The following STRN variants were observed in gnomAD, a reference collection of about 807,000 sequenced individuals.
The protein encoded by STRN is protein phosphatase 2 regulatory subunit B'''alpha.
Under a neutral mutation model 96.3 loss-of-function variants are expected in STRN, and 53 were observed. The ratio of observed to expected loss-of-function variants is 0.55; its 90% confidence interval spans 0.44 to 0.69. The LOEUF (loss-of-function observed/expected upper bound fraction) is 0.69, where lower values mean the gene tolerates loss of function less well. Among genes scored for constraint, STRN ranks in the 30% least tolerant of loss-of-function variants. The probability of loss-of-function intolerance (pLI) is 0.00; values close to 1 mark genes in which losing one functional copy is unlikely to be tolerated. For missense variants in STRN, 987 were observed against 963.9 expected, an observed-to-expected ratio of 1.02 and a Z score of -0.32; for synonymous variants, 428 against 355.9, an observed-to-expected ratio of 1.20 and a Z score of -2.28.
At chr2:36,887,394 C>T (rs1259632858) in intron 7 of STRN, among the ~76,000 whole-genome samples, 1 of 151,714 alleles carries the variant, frequency 6.6e-6, no homozygotes, top group African/African-American at 2.4e-5. Context: ...CGCCTGAACC[C>T]GGGAGGCGGA....
intron 10 of STRN, among the ~76,000 whole-genome samples, chr2:36,871,618 C>T (rs1668764706): frequency 6.6e-6 from 1 of 152,128 alleles, no homozygotes; most frequent in Non-Finnish European, 1.5e-5. Context: ...GACAAAAATA[C>T]ACCAATTCTA....
At chr2:36,964,621 G>A (rs770701966) in intron 1 of STRN, among the ~76,000 whole-genome samples, 1 of 152,112 alleles carries the variant, frequency 6.6e-6, no homozygotes, top group Non-Finnish European at 1.5e-5. Context: ...GACTTACAAG[G>A]AAATCATAGA....
rs1667950495 is a variant in STRN at position 36,841,505 on chromosome 2, T to C, written c.*7951A>G. On this transcript the variant is annotated 3_prime_UTR_variant, in exon 18 of 18. Coordinates refer to ENST00000263918, the MANE Select transcript of STRN (RefSeq NM_003162.4). ...ATATTATTCTATCAAGAGGATATTC[T>C]GAAATACGTGGGCTATCGAAAAAGA... 1 of 152,202 alleles carries C rather than the reference T, an allele frequency of 6.6e-6. No individual in the cohort carries two copies. The highest frequency in any genetic ancestry group is 1.9e-4 in the East Asian group (1 of 5,196). 9.4% of individuals were successfully genotyped at this position (152,202 alleles called of 1,614,324 possible). A position where few individuals can be genotyped will look rare whatever the true frequency, so the allele number is the denominator to read the frequency against.
chr2:36,886,367 T>C (rs1400469831), intron 8 of STRN, among the ~76,000 whole-genome samples: 1 of 152,022 alleles, frequency 6.6e-6, no homozygotes, highest in Admixed American at 6.6e-5. Context: ...ACTAAATGAG[T>C]TATAAATTGT....
rs576850499 is a variant in STRN, at chr2:36,848,694, C to A, written c.*762G>T. 4.1e-4 allele frequency: 63 copies of A among 152,290 alleles called. No individual in the cohort carries two copies. Among genetic ancestry groups the A allele is most frequent in the Admixed American group, 1.0e-3 (16 of 15,284 alleles). 9.4% of individuals were successfully genotyped at this position (152,290 alleles called of 1,614,324 possible). On this transcript the variant is annotated 3_prime_UTR_variant, in exon 18 of 18. Coordinates refer to ENST00000263918, the MANE Select transcript of STRN (RefSeq NM_003162.4). ...AATTTCAAACCTGAATAAGTTAAAT[C>A]TGTTAGTAAAAGCAGAGTCGATCAA...
At chr2:36,943,380 C>A (rs1670893862) in intron 1 of STRN, among the ~76,000 whole-genome samples, 1 of 150,240 alleles carries the variant, frequency 6.7e-6, no homozygotes, top group Non-Finnish European at 1.5e-5. Flanking sequence ...AGTACAGGGA[C>A]TAGAACTATA....
intron 1 of STRN, among the ~76,000 whole-genome samples, chr2:36,958,639 T>C (rs963132702): frequency 2.0e-5 from 3 of 151,748 alleles, no homozygotes; most frequent in Non-Finnish European, 4.4e-5. Flanking sequence ...CATGGAGAGA[T>C]AAAAAGATGG....
At chr2:36,894,740 T>C (rs1669494048) in intron 6 of STRN, among the ~76,000 whole-genome samples, 1 of 152,220 alleles carries the variant, frequency 6.6e-6, no homozygotes, top group South Asian at 2.1e-4. Context: ...TCAAATGTTA[T>C]CGCTGGGCTA....
At chr2:36,939,213 G>T (rs1670780930) in intron 1 of STRN, among the ~76,000 whole-genome samples, 1 of 152,066 alleles carries the variant, frequency 6.6e-6, no homozygotes, top group Non-Finnish European at 1.5e-5. Context: ...TTACAGGTGT[G>T]AGCCGCCGCG....
chr2:36,921,416 T>C (rs1670252056), intron 2 of STRN, among the ~76,000 whole-genome samples: 2 of 152,208 alleles, frequency 1.3e-5, no homozygotes, highest in African/African-American at 2.4e-5. Context: ...TTCTCTCTTG[T>C]TTCCCCAATA....
Position 36,838,970 on chromosome 2 carries a change from A to T in STRN, c.*10486T>A, listed in dbSNP as rs1401744080. The stretch of plus-strand genomic sequence containing the variant: ...CTGATAAATTTGAGAGACCTTTAAA[A>T]ATTTGTAAGGTGCTCATGATACACA... On this transcript the variant is annotated 3_prime_UTR_variant, in exon 18 of 18. Coordinates refer to ENST00000263918, the MANE Select transcript of STRN (RefSeq NM_003162.4). 6.6e-6 allele frequency among the ~76,000 whole-genome samples: 1 copy of T among 152,194 alleles called. No homozygotes were observed. The highest frequency in any genetic ancestry group is 1.5e-5 in the Non-Finnish European group (1 of 68,044).
chr2:36,910,628 C>T (rs1410366256), intron 3 of STRN, among the ~76,000 whole-genome samples: 1 of 151,844 alleles, frequency 6.6e-6, no homozygotes, highest in Non-Finnish European at 1.5e-5. Flanking sequence ...AAAATTGAAT[C>T]CTAAAAAATA....
chr2:36,867,695 A>T, intron 12 of STRN, 119 bp downstream of exon 12: 1 of 584,104 alleles, frequency 1.7e-6, no homozygotes, highest in African/African-American at 1.9e-5. Context: ...AAATTCTTTT[A>T]CATTAAAAAA....
intron 12 of STRN, among the ~76,000 whole-genome samples, chr2:36,865,319 A>C (rs1668593324): frequency 6.6e-6 from 1 of 152,126 alleles, no homozygotes; most frequent in Non-Finnish European, 1.5e-5. Context: ...GTTGGTGGTA[A>C]TATTACATTT....
At chr2:36,867,036 C>T (rs1572632858) in intron 12 of STRN, among the ~76,000 whole-genome samples, 2 of 152,304 alleles carry the variant, frequency 1.3e-5, no homozygotes, top group East Asian at 3.9e-4. Flanking sequence ...TCAAGGTTAA[C>T]ACTGATATGT....
intron 7 of STRN, among the ~76,000 whole-genome samples, chr2:36,893,284 C>T (rs1480820739): frequency 6.6e-6 from 1 of 151,780 alleles, no homozygotes; most frequent in Admixed American, 6.6e-5. Flanking sequence ...TATGGCACTG[C>T]TTTCAATAGC....
intron 1 of STRN, among the ~76,000 whole-genome samples, chr2:36,940,091 A>C (rs1238099899): frequency 2.0e-5 from 3 of 152,222 alleles, no homozygotes; most frequent in Non-Finnish European, 4.4e-5. Context: ...TTAATTTTTT[A>C]AAGTACTTTT....
At chr2:36,937,896 A>T (rs1398051731) in intron 1 of STRN, among the ~76,000 whole-genome samples, 1 of 152,168 alleles carries the variant, frequency 6.6e-6, no homozygotes, top group East Asian at 1.9e-4. Flanking sequence ...AAAGGACTTC[A>T]TTACTAGTAA....
intron 15 of STRN, 64 bp from the exon 16 acceptor site, chr2:36,851,171 C>G (rs1668211943): frequency 7.2e-6 from 10 of 1,393,496 alleles, no homozygotes; most frequent in Non-Finnish European, 1.0e-5. Context: ...CAAAGGAGAA[C>G]TGAATTATCT....
Sources: gnomAD v4.1 joint callset for allele counts (sites outside exome capture counted in the v4.1 genomes callset) on GRCh38, gnomAD v4.1.1 for gene constraint, MANE v1.5 for transcripts, NCBI Gene and HGNC (gene_info 2026-07-23, HGNC 2026-07-21) for gene names.